Variants in SRGAP2 observed in about 807,000 individuals in gnomAD.
The protein encoded by SRGAP2 is SLIT-ROBO Rho GTPase-activating protein 2.
Under a neutral mutation model 57.2 loss-of-function variants are expected in SRGAP2, and 15 were observed. The observed-to-expected ratio is 0.26, with a 90% CI of 0.18 to 0.40. SRGAP2 has a LOEUF of 0.40. SRGAP2 is among the 10% of genes least tolerant of loss of function. SRGAP2 has a pLI of 1.00. For missense variants in SRGAP2, 520 were observed against 669.6 expected, an observed-to-expected ratio of 0.78 and a Z score of 2.47; for synonymous variants, 249 against 248.0, an observed-to-expected ratio of 1.00 and a Z score of -0.04.
At position 206,453,192 on chromosome 1, in the gene SRGAP2, CT is replaced by C. The variant is rs781931285; in HGVS notation, c.2180-6del. ...AACATGTGTTTACTTCTTTTCCACC[CT>C]TCTCAGAATGTGAGCCCATCGAGGC... On this transcript the variant is annotated splice_region_variant and splice_polypyrimidine_tract_variant and intron_variant, in intron 19 of 22. Transcript: ENST00000573034. The C allele has an allele frequency of 3.3e-4, 165 of 499,968 alleles. No homozygotes were observed. Among genetic ancestry groups the C allele is most frequent in the Admixed American group, 5.6e-4 (16 of 28,604 alleles). The allele number at this position is 499,968 out of a possible 1,614,324, so 31.0% of individuals were successfully genotyped here.
At chr1:206,445,667 C>G (rs1558441285) in intron 17 of SRGAP2, among the ~76,000 whole-genome samples, 1 of 152,166 alleles carries the variant, frequency 6.6e-6, no homozygotes, top group Admixed American at 6.5e-5. Flanking sequence ...ACCAGGGCAG[C>G]CTGAGGGTCC....
At chr1:206,324,474 G>C (rs569421621) in intron 3 of SRGAP2, among the ~76,000 whole-genome samples, 2 of 152,148 alleles carry the variant, frequency 1.3e-5, no homozygotes, top group African/African-American at 4.8e-5. Context: ...AGAAGGTAAG[G>C]CTGGGGCCTC....
intron 4 of SRGAP2, among the ~76,000 whole-genome samples, chr1:206,347,527 A>T (rs1675727508): frequency 6.6e-6 from 1 of 150,544 alleles, no homozygotes; most frequent in South Asian, 2.1e-4. Flanking sequence ...CAGTGAGCAG[A>T]GATCATGCTG....
At position 206,314,121 on chromosome 1, in the gene SRGAP2, TG is replaced by T. The variant is rs1672889991; in HGVS notation, c.260+10649del. ...GTTTTTTTTGTTTTTTTTTTTTTGT[TG>T]TTGTTGTTGTTGTTGTTTGGGTTTT... is the stretch of plus-strand genomic sequence containing the variant. On this transcript the variant is annotated intron_variant, in intron 3 of 22. Transcript: ENST00000573034. 1.1e-4 allele frequency among the ~76,000 whole-genome samples: 17 copies of T among 150,568 alleles called. No individual in the cohort carries two copies. In the South Asian group the frequency reaches 2.1e-3, roughly 19 times the overall value.
rs1240979603 is a variant in SRGAP2 at position 206,283,675 on chromosome 1, C to CA, written c.68-19592dup. Among the ~76,000 whole-genome samples, 974 of 120,256 alleles carry CA rather than the reference C, an allele frequency of 8.1e-3. 19 individuals are homozygous for CA. The highest frequency in any genetic ancestry group is 0.081 in the South Asian group (311 of 3,850). 78.9% of individuals were successfully genotyped at this position (120,256 alleles called of 152,430 possible). On this transcript the variant is annotated intron_variant, in intron 2 of 22. Coordinates refer to ENST00000573034, the MANE Select transcript of SRGAP2 (RefSeq NM_015326.5). ...TGGGCTTCCAAGTGAGACTCTGTCT[C>CA]AAAAAAAAAAAAAATGAACTTCTTT...
intron 4 of SRGAP2, among the ~76,000 whole-genome samples, chr1:206,366,183 G>A (rs1553341579): frequency 6.6e-6 from 1 of 152,214 alleles, no homozygotes; most frequent in Non-Finnish European, 1.5e-5. Context: ...TTTATGCCTA[G>A]GGTTTACCCA....
rs1553377649 is a variant in SRGAP2, at chr1:206,454,652, G to A, written c.2361-226G>A. The A allele has an allele frequency of 5.8e-6, 3 of 512,836 alleles. No homozygotes were observed. The highest frequency in any genetic ancestry group is 1.0e-5 in the Non-Finnish European group (3 of 292,296). 31.8% of individuals were successfully genotyped at this position (512,836 alleles called of 1,614,324 possible). The stretch of plus-strand genomic sequence containing the variant: ...AGCCACGCTTTCCTGAGGAGCTGAG[G>A]AGCCCGCAGAACTCAGCGGATTATT... On this transcript the variant is annotated intron_variant, in intron 20 of 22. Coordinates refer to ENST00000573034, the MANE Select transcript of SRGAP2 (RefSeq NM_015326.5). The surrounding 1 kb of genome is among the most constrained non-coding windows in gnomAD (Gnocchi z 4.3).
chr1:206,418,884 CTCTCTG>C (rs1429506986), intron 11 of SRGAP2, among the ~76,000 whole-genome samples: 52 of 109,094 alleles, frequency 4.8e-4, no homozygotes, highest in African/African-American at 2.4e-3. Flanking sequence ...GCCTCCAACT[CTCTCTG>C]TGTGTGTGTG....
At chr1:206,428,592 G>T (rs1661016461) in intron 13 of SRGAP2, among the ~76,000 whole-genome samples, 1 of 152,122 alleles carries the variant, frequency 6.6e-6, no homozygotes, top group Non-Finnish European at 1.5e-5. Context: ...TTGAATCCTG[G>T]TTTTGCCACT....
chr1:206,418,413 C>T (rs1324030231), intron 11 of SRGAP2, among the ~76,000 whole-genome samples: 3 of 152,364 alleles, frequency 2.0e-5, no homozygotes, highest in African/African-American at 4.8e-5. Flanking sequence ...GCCCTCCCTC[C>T]GCCAGCCCTT....
At chr1:206,390,007 C>T (rs1382080706) in intron 5 of SRGAP2, among the ~76,000 whole-genome samples, 3 of 148,450 alleles carry the variant, frequency 2.0e-5, no homozygotes, top group Non-Finnish European at 4.5e-5. Context: ...TATCTAAGTC[C>T]TATCTTGGCT....
chr1:206,459,934 G>A (rs1553379868), intron 22 of SRGAP2, among the ~76,000 whole-genome samples: 1 of 152,200 alleles, frequency 6.6e-6, no homozygotes, highest in African/African-American at 2.4e-5. Flanking sequence ...AATCCTCCCA[G>A]CTCCCTCCTT....
chr1:206,432,160 G>A lies in SRGAP2; in HGVS notation c.1555+1938G>A, dbSNP rs75264496. 9.9e-3 allele frequency among the ~76,000 whole-genome samples: 1,509 copies of A among 152,284 alleles called. 22 individuals carry two copies. Among genetic ancestry groups the A allele is most frequent in the African/African-American group, 0.034 (1,424 of 41,552 alleles). ...AGTAGCCTGAGGAAGACATGATGGC[G>A]GCCTAGACCAGGGTGTTAGCTGTGG... On this transcript the variant is annotated intron_variant, in intron 14 of 22. Transcript: ENST00000573034.
At chr1:206,436,374 T>C (rs1235869588) in intron 14 of SRGAP2, among the ~76,000 whole-genome samples, 1 of 151,504 alleles carries the variant, frequency 6.6e-6, no homozygotes, top group Non-Finnish European at 1.5e-5. Context: ...TTCTTTGAGA[T>C]AGAGTCCACT....
At chr1:206,275,861 C>T (rs1383742672) in intron 2 of SRGAP2, among the ~76,000 whole-genome samples, 39 of 152,070 alleles carry the variant, frequency 2.6e-4, no homozygotes, top group African/African-American at 8.2e-4. Context: ...GTGATCCACC[C>T]GCCTGGGCCT....
At chr1:206,412,242 T>G (rs1180647285) in intron 10 of SRGAP2, among the ~76,000 whole-genome samples, 2 of 152,240 alleles carry the variant, frequency 1.3e-5, no homozygotes, top group African/African-American at 4.8e-5. Flanking sequence ...AATTAGGAAT[T>G]ATTAGGAAAT....
In SRGAP2 at chr1:206,446,199, C is replaced by T; in HGVS notation, c.1999C>T (p.Leu667=). Residue 667 remains leucine, a synonymous_variant, in exon 18 of 23, where the codon CTG becomes TTG. Transcript: ENST00000573034. The stretch of plus-strand genomic sequence containing the variant: ...GTCCTGCCAAGCCCACGTGAATGAG[C>T]TGATCAAAACCATCATCATCCAGCA... ...QVSCQAHVNE[L]IKTIIIQHEN... is the part of the protein sequence containing the mutation. 1.3e-6 allele frequency: 1 copy of T among 780,954 alleles called. No homozygotes were observed. The highest frequency in any genetic ancestry group is 2.4e-6 in the Non-Finnish European group (1 of 418,006). The allele number at this position is 780,954 out of a possible 1,614,324, so 48.4% of individuals were successfully genotyped here. A position where few individuals can be genotyped will look rare whatever the true frequency, so the allele number is the denominator to read the frequency against.
At chr1:206,306,612 CA>C (rs1207791145) in intron 3 of SRGAP2, among the ~76,000 whole-genome samples, 3 of 152,158 alleles carry the variant, frequency 2.0e-5, no homozygotes, top group Admixed American at 2.0e-4. Context: ...TGGCCCCACC[CA>C]CATCCTGCTG....
At chr1:206,416,487 G>GT (rs1258627695) in intron 11 of SRGAP2, among the ~76,000 whole-genome samples, 1 of 152,202 alleles carries the variant, frequency 6.6e-6, no homozygotes, top group Non-Finnish European at 1.5e-5. Context: ...TCCTAATGCT[G>GT]TTTAAGTGGC....
Sources: gnomAD v4.1 joint callset for allele counts (sites outside exome capture counted in the v4.1 genomes callset) on GRCh38, gnomAD v4.1.1 for gene constraint, Gnocchi (gnomAD v3.1) non-coding constraint, MANE v1.5 for transcripts, NCBI Gene and HGNC (gene_info 2026-07-23, HGNC 2026-07-21) for gene names.